The following EYS variants were observed in gnomAD, a reference collection of about 807,000 sequenced individuals.
EYS encodes the protein protein eyes shut homolog.
Under a neutral mutation model 282.1 loss-of-function variants are expected in EYS, and 250 were observed. The observed-to-expected ratio is 0.89, with a 90% CI of 0.80 to 0.98. EYS has a LOEUF of 0.98. Ranked by LOEUF, EYS falls within the 50% of genes least tolerant of loss-of-function variation. The probability of loss-of-function intolerance (pLI) is 0.00; values close to 1 mark genes in which losing one functional copy is unlikely to be tolerated. For synonymous variants in EYS, 1,355 were observed against 1,282.9 expected (o/e 1.06, Z -1.20); for missense variants, 4,016 against 3,709.0 (o/e 1.08, Z -2.15).
At position 64,693,334 on chromosome 6, in the gene EYS, G is replaced by A. The variant is rs899057384; in HGVS notation, c.3444-67089C>T. 6.6e-5 allele frequency among the ~76,000 whole-genome samples: 10 copies of A among 151,762 alleles called. 1 individual carries two copies. The East Asian group carries it at 1.2e-3, about 18-fold the overall frequency. On this transcript the variant is annotated intron_variant, in intron 22 of 42. Transcript: ENST00000503581. ...ATTCTAAAATTGATCTGGAAAAATC[G>A]AAATATTTCTAAAAATTTATAATAA...
intron 15 of EYS, among the ~76,000 whole-genome samples, chr6:64,944,474 T>A (rs180918827): frequency 1.3e-5 from 2 of 152,170 alleles, no homozygotes. Flanking sequence ...CCCAATGTGA[T>A]AGTCTGAAAT....
At chr6:63,728,351 G>A (rs920199238) in intron 41 of EYS, among the ~76,000 whole-genome samples, 2 of 151,964 alleles carry the variant, frequency 1.3e-5, no homozygotes, top group African/African-American at 2.4e-5. Context: ...CTATCTTTGT[G>A]AAACTGATAT....
At chr6:65,687,063 C>T (rs1052799280) in intron 1 of EYS, among the ~76,000 whole-genome samples, 5 of 151,944 alleles carry the variant, frequency 3.3e-5, no homozygotes, top group African/African-American at 1.2e-4. Flanking sequence ...TATACCTAGA[C>T]TAGTTTCACG....
At chr6:64,199,381 T>G (rs774108551) in intron 31 of EYS, among the ~76,000 whole-genome samples, 1 of 152,106 alleles carries the variant, frequency 6.6e-6, no homozygotes, top group Non-Finnish European at 1.5e-5. Context: ...GCTAGCCATA[T>G]GCAGAAAACT....
At chr6:64,969,327 A>G (rs1439644429) in intron 14 of EYS, among the ~76,000 whole-genome samples, 1 of 152,174 alleles carries the variant, frequency 6.6e-6, no homozygotes, top group Admixed American at 6.5e-5. Flanking sequence ...AGGATACCAG[A>G]GAATGTCTTT....
chr6:65,131,685 C>G (rs1297333685), intron 12 of EYS, among the ~76,000 whole-genome samples: 1 of 151,646 alleles, frequency 6.6e-6, no homozygotes, highest in Non-Finnish European at 1.5e-5. Flanking sequence ...AAGAGCAAAC[C>G]AACCCCAAAG....
intron 31 of EYS, among the ~76,000 whole-genome samples, chr6:64,121,080 C>T (rs558112772): frequency 6.6e-6 from 1 of 152,136 alleles, no homozygotes; most frequent in East Asian, 1.9e-4. Context: ...CCCCCTCCCC[C>T]ATAGACAATT....
Position 65,443,258 on chromosome 6 carries a change from A to G in EYS, c.863-37891T>C, listed in dbSNP as rs368330312. On this transcript the variant is annotated intron_variant, in intron 5 of 42. Coordinates refer to ENST00000503581, the MANE Select transcript of EYS (RefSeq NM_001142800.2). Reference sequence around the variant, plus strand: ...AACATATAGACATATGTGTATACATATATGCAAACATATAGACATGTATGC... The same window carrying G: ...AACATATAGACATATGTGTATACATGTATGCAAACATATAGACATGTATGC... Among the ~76,000 whole-genome samples the G allele has an allele frequency of 2.9e-5, 4 of 138,946 alleles. 1 individual carries two copies. The highest frequency in any genetic ancestry group is 4.9e-5 in the African/African-American group (2 of 40,662). The allele number at this position is 138,946 out of a possible 152,430, so 91.2% of individuals were successfully genotyped here.
chr6:64,781,044 A>G (rs1022710752), intron 22 of EYS, among the ~76,000 whole-genome samples: 9 of 152,202 alleles, frequency 5.9e-5, no homozygotes, highest in African/African-American at 2.2e-4. Flanking sequence ...TCTAGGACAG[A>G]GGTGGTACTC....
At chr6:63,912,987 C>T (rs1415466240) in intron 35 of EYS, among the ~76,000 whole-genome samples, 1 of 152,166 alleles carries the variant, frequency 6.6e-6, no homozygotes, top group Non-Finnish European at 1.5e-5. Context: ...GTGAGGTTAG[C>T]AGATACTGTG....
chr6:64,057,541 C>A (rs1440464449), intron 33 of EYS, among the ~76,000 whole-genome samples: 1 of 152,068 alleles, frequency 6.6e-6, no homozygotes, highest in African/African-American at 2.4e-5. Context: ...TCTAACATTT[C>A]ATTTTTAAAA....
At chr6:63,725,563 T>C (rs546455410) in intron 42 of EYS, among the ~76,000 whole-genome samples, 1 of 152,156 alleles carries the variant, frequency 6.6e-6, no homozygotes, top group African/African-American at 2.4e-5. Context: ...GGAGATTTAA[T>C]CATGAATTTA....
intron 29 of EYS, among the ~76,000 whole-genome samples, chr6:64,342,458 A>C (rs6922877): frequency 0.025 from 3,751 of 151,894 alleles, 148 homozygotes; most frequent in African/African-American, 0.086. Flanking sequence ...TCATATCCAG[A>C]CAAACTAAGC....
chr6:63,958,049 C>T (rs901237032), intron 35 of EYS, among the ~76,000 whole-genome samples: 9 of 140,320 alleles, frequency 6.4e-5, no homozygotes, highest in African/African-American at 2.2e-4. Flanking sequence ...ATTTTCAAGA[C>T]GTTTATAGAT....
At chr6:64,324,669 G>C (rs1770340806) in intron 29 of EYS, among the ~76,000 whole-genome samples, 1 of 152,154 alleles carries the variant, frequency 6.6e-6, no homozygotes, top group Non-Finnish European at 1.5e-5. Context: ...AGGAAAATAA[G>C]TCAAACGATC....
intron 2 of EYS, among the ~76,000 whole-genome samples, chr6:65,498,342 G>A (rs1387276417): frequency 1.3e-5 from 2 of 152,016 alleles, no homozygotes; most frequent in Admixed American, 1.3e-4. Flanking sequence ...CTGCACAGGT[G>A]TATTATTTTC....
intron 35 of EYS, among the ~76,000 whole-genome samples, chr6:63,880,243 C>G (rs1002729874): frequency 2.6e-5 from 4 of 152,132 alleles, no homozygotes; most frequent in African/African-American, 7.2e-5. Context: ...TAATCAGCTG[C>G]AAGCGAATAT....
chr6:65,547,786 A>G (rs900240627), intron 2 of EYS, among the ~76,000 whole-genome samples: 11 of 152,188 alleles, frequency 7.2e-5, no homozygotes, highest in Non-Finnish European at 1.5e-4. Context: ...TTATAGTGAC[A>G]ATGTTGCAAT....
At chr6:64,457,012 C>A (rs1051282854) in intron 26 of EYS, among the ~76,000 whole-genome samples, 4 of 152,006 alleles carry the variant, frequency 2.6e-5, no homozygotes, top group Non-Finnish European at 5.9e-5. Flanking sequence ...TTTATTGCTA[C>A]AAACTTACCC....
Sources: allele counts gnomAD v4.1 joint callset (sites outside exome capture counted in the v4.1 genomes callset), GRCh38; gene constraint gnomAD v4.1.1; transcripts MANE v1.5; gene names NCBI Gene and HGNC (gene_info 2026-07-23, HGNC 2026-07-21).